Variants in ZHX3 observed in about 807,000 individuals in gnomAD.
ZHX3 encodes the protein zinc fingers and homeoboxes protein 3.
Under a neutral mutation model 64.5 loss-of-function variants are expected in ZHX3, and 20 were observed. That is an observed-to-expected ratio of 0.31 (90% CI 0.22 to 0.45). The LOEUF is 0.45. Ranked by LOEUF, ZHX3 falls within the 20% of genes least tolerant of loss-of-function variation. The pLI, the probability that ZHX3 is intolerant of heterozygous loss-of-function variation, is 1.00. For synonymous variants in ZHX3, 423 were observed against 461.6 expected (o/e 0.92, Z 1.07); for missense variants, 1,041 against 1,195.8 (o/e 0.87, Z 1.91).
At chr20:41,305,176 G>A (rs1347007824) in intron 1 of ZHX3, among the ~76,000 whole-genome samples, 2 of 152,182 alleles carry the variant, frequency 1.3e-5, no homozygotes, top group East Asian at 1.9e-4. Context: ...TACCTACAAC[G>A]AAATGTCTTA....
chr20:41,218,441 C>G (rs1459215144), intron 2 of ZHX3, among the ~76,000 whole-genome samples: 1 of 151,072 alleles, frequency 6.6e-6, no homozygotes, highest in Non-Finnish European at 1.5e-5. Flanking sequence ...AAGACCCTGT[C>G]TCTAAATAAA....
chr20:41,196,558 A>T (rs1460344818), intron 3 of ZHX3: 3 of 39,094 alleles, frequency 7.7e-5, no homozygotes, highest in Non-Finnish European at 1.5e-4. Context: ...AATATATATT[A>T]TATATAATAT....
intron 2 of ZHX3, among the ~76,000 whole-genome samples, chr20:41,236,425 G>A (rs1471230167): frequency 2.6e-5 from 4 of 152,062 alleles, no homozygotes; most frequent in Non-Finnish European, 5.9e-5. Context: ...AAACAGAGAT[G>A]TAGACCAATG....
At chr20:41,220,772 C>G (rs2039889728) in intron 2 of ZHX3, among the ~76,000 whole-genome samples, 1 of 152,062 alleles carries the variant, frequency 6.6e-6, no homozygotes, top group Non-Finnish European at 1.5e-5. Context: ...CGGCTCTCTG[C>G]AGCCTCGACC....
chr20:41,215,105 T>C (rs2039424954), intron 2 of ZHX3, among the ~76,000 whole-genome samples: 1 of 151,522 alleles, frequency 6.6e-6, no homozygotes, highest in South Asian at 2.1e-4. Flanking sequence ...AAAAACACAA[T>C]AAATTAGCCA....
At chr20:41,293,960 A>G (rs946175735) in intron 1 of ZHX3, among the ~76,000 whole-genome samples, 6 of 152,210 alleles carry the variant, frequency 3.9e-5, no homozygotes, top group Non-Finnish European at 8.8e-5. Flanking sequence ...GTTTTTCCAG[A>G]AAGCACAACT....
chr20:41,196,461 TATATA>T, intron 3 of ZHX3, among the ~76,000 whole-genome samples: 1 of 60,120 alleles, frequency 1.7e-5, no homozygotes, highest in African/African-American at 7.5e-5. Flanking sequence ...AATATATTTA[TATATA>T]ATATATATTT....
intron 2 of ZHX3, among the ~76,000 whole-genome samples, 153 bp from the exon 3 acceptor site, chr20:41,205,219 A>C (rs1294764215): frequency 6.6e-6 from 1 of 152,158 alleles, no homozygotes; most frequent in Non-Finnish European, 1.5e-5. Context: ...CTAAGTTAGG[A>C]ACCCCCTAAT....
Position 41,200,060 on chromosome 20 carries a change from A to T in ZHX3, c.2860+1997T>A, listed in dbSNP as rs1310638023. Among the ~76,000 whole-genome samples the T allele has an allele frequency of 6.6e-6, 1 of 152,152 alleles. No homozygotes were observed. The highest frequency in any genetic ancestry group is 2.4e-5 in the African/African-American group (1 of 41,436). ...GCCTACCCTGGCACCAACAGTCTGC[A>T]CCAGGAACATTTTCCACAGTTGCCT... is the stretch of plus-strand genomic sequence containing the variant. On this transcript the variant is annotated intron_variant, in intron 3 of 3. Transcript: ENST00000683867. This position sits in a 1 kb window ranked among gnomAD's most constrained non-coding sequence, Gnocchi z 4.2.
At chr20:41,288,283 G>A (rs562043127) in intron 1 of ZHX3, among the ~76,000 whole-genome samples, 55 of 152,226 alleles carry the variant, frequency 3.6e-4, no homozygotes, top group Non-Finnish European at 7.3e-4. Context: ...GCATCCCAAA[G>A]TGGTGGAATT....
intron 2 of ZHX3, among the ~76,000 whole-genome samples, chr20:41,262,484 G>C (rs1349999735): frequency 6.6e-6 from 1 of 152,146 alleles, no homozygotes; most frequent in Non-Finnish European, 1.5e-5. Flanking sequence ...AGCCCTGCTG[G>C]TACATACAGT....
At chr20:41,289,552 A>G (rs1374978726) in intron 1 of ZHX3, among the ~76,000 whole-genome samples, 1 of 152,186 alleles carries the variant, frequency 6.6e-6, no homozygotes, top group Non-Finnish European at 1.5e-5. Context: ...TTTTATTCAT[A>G]ACGAAGGCAT....
chr20:41,202,552 G>A lies in ZHX3; in HGVS notation c.2365C>T (p.Pro789Ser), dbSNP rs1273124986. The A allele has an allele frequency of 6.2e-7, 1 of 1,614,050 alleles. No individual in the cohort carries two copies. The highest frequency in any genetic ancestry group is 8.5e-7 in the Non-Finnish European group (1 of 1,180,030). The change falls in exon 3 of 4, where the codon CCA (proline) becomes TCA (serine). Residue 789 changes from proline to serine, a missense_variant. Pro to Ser is a moderately conservative substitution (Grantham distance 74). Transcript: ENST00000683867. The surrounding 1 kb of genome is among the most constrained non-coding windows in gnomAD (Gnocchi z 7.0). ...LRQLFVQTQW[P>S]SNQDYDSIMA... Reference sequence around the variant, plus strand: ...ATGGAGTCATAGTCCTGGTTGCTTGGCCACTGTGTCTGGACAAAGAGCTGC... The same window carrying A: ...ATGGAGTCATAGTCCTGGTTGCTTGACCACTGTGTCTGGACAAAGAGCTGC...
chr20:41,252,517 G>T (rs750431419), intron 2 of ZHX3, among the ~76,000 whole-genome samples: 1 of 152,202 alleles, frequency 6.6e-6, no homozygotes, highest in Non-Finnish European at 1.5e-5. Context: ...CCACAGCCCA[G>T]AAGAGGAAAG....
At chr20:41,207,877 A>C (rs2038853002) in intron 2 of ZHX3, among the ~76,000 whole-genome samples, 1 of 152,206 alleles carries the variant, frequency 6.6e-6, no homozygotes, top group South Asian at 2.1e-4. Flanking sequence ...AGACACAAAA[A>C]ACCCTTCAAA....
intron 2 of ZHX3, among the ~76,000 whole-genome samples, chr20:41,220,820 A>C (rs567265085): frequency 6.6e-6 from 1 of 151,968 alleles, no homozygotes; most frequent in Admixed American, 6.5e-5. Flanking sequence ...CAGCCTCCCA[A>C]GTAGCCAGTA....
rs562731524 is a variant in ZHX3 at position 41,180,315 on chromosome 20, G to A, written c.*4876C>T. ...TTCTTTATCATCCTCAAAGTCCTGC[G>A]AACCCAAAGATAGAACTTTCAGAAA... On this transcript the variant is annotated 3_prime_UTR_variant, in exon 4 of 4. Transcript: ENST00000683867. The A allele has an allele frequency of 2.0e-5, 3 of 152,634 alleles. No individual in the cohort carries two copies. The highest frequency in any genetic ancestry group is 2.9e-5 in the Non-Finnish European group (2 of 68,066). The allele number at this position is 152,634 out of a possible 1,614,324, so 9.5% of individuals were successfully genotyped here.
intron 3 of ZHX3, among the ~76,000 whole-genome samples, chr20:41,198,083 C>T (rs972643084): frequency 4.7e-5 from 7 of 148,204 alleles, no homozygotes; most frequent in Admixed American, 2.7e-4. Context: ...CGGCTCACTG[C>T]AAGCTCTGCC....
intron 1 of ZHX3, among the ~76,000 whole-genome samples, chr20:41,269,683 C>A (rs1412468044): frequency 1.3e-5 from 2 of 152,184 alleles, no homozygotes; most frequent in African/African-American, 2.4e-5. Flanking sequence ...AAAACCACTA[C>A]TTTTGAGTTC....
Sources: gnomAD v4.1 joint callset for allele counts (sites outside exome capture counted in the v4.1 genomes callset) on GRCh38, gnomAD v4.1.1 for gene constraint, Gnocchi (gnomAD v3.1) non-coding constraint, MANE v1.5 for transcripts, NCBI Gene and HGNC (gene_info 2026-07-23, HGNC 2026-07-21) for gene names.